Variants in CNTNAP5 observed in about 807,000 individuals in gnomAD.
The protein encoded by CNTNAP5 is contactin associated protein family member 5, also known as contactin-associated protein-like 5.
A neutral mutation model predicts 150.2 loss-of-function variants in CNTNAP5; 72 were observed. The ratio of observed to expected loss-of-function variants is 0.48; its 90% confidence interval spans 0.40 to 0.58. The LOEUF is 0.58. CNTNAP5 is among the 20% of genes least tolerant of loss of function. The probability of loss-of-function intolerance (pLI) is 0.00; values close to 1 mark genes in which losing one functional copy is unlikely to be tolerated. For missense variants in CNTNAP5, 1,636 were observed against 1,626.2 expected (o/e 1.01, Z -0.10); for synonymous variants, 672 against 619.8 (o/e 1.08, Z -1.25).
chr2:124,036,356 G>A (rs1681219202), intron 1 of CNTNAP5, among the ~76,000 whole-genome samples: 1 of 151,834 alleles, frequency 6.6e-6, no homozygotes, highest in Admixed American at 6.5e-5. Flanking sequence ...TGTTCACTAA[G>A]TTTTGGATGA....
chr2:124,873,610 C>T lies in CNTNAP5; in HGVS notation c.3436+3848C>T, dbSNP rs904992006. ...ATTCAGGCTTATTATTTAGAAAGGA[C>T]GCTAATCCTGGGGGACCTTTGGAAC... is the stretch of plus-strand genomic sequence containing the variant. On this transcript the variant is annotated intron_variant, in intron 21 of 23. Transcript: ENST00000682447. Among the ~76,000 whole-genome samples the T allele has an allele frequency of 7.9e-5, 12 of 152,030 alleles. 1 individual carries two copies. Among genetic ancestry groups the T allele is most frequent in the African/African-American group, 1.2e-4 (5 of 41,472 alleles).
At chr2:124,510,906 A>G (rs1047275809) in intron 8 of CNTNAP5, among the ~76,000 whole-genome samples, 2 of 152,192 alleles carry the variant, frequency 1.3e-5, no homozygotes, top group Non-Finnish European at 2.9e-5. Context: ...TGAATGAGCA[A>G]CTACCTTGAT....
intron 1 of CNTNAP5, among the ~76,000 whole-genome samples, chr2:124,035,571 C>A: frequency 6.6e-6 from 1 of 152,122 alleles, no homozygotes; most frequent in South Asian, 2.1e-4. Flanking sequence ...GCACGGGAAC[C>A]CAGGGGATTC....
At chr2:124,225,528 G>A (rs1291847812) in intron 2 of CNTNAP5, among the ~76,000 whole-genome samples, 2 of 152,134 alleles carry the variant, frequency 1.3e-5, no homozygotes, top group African/African-American at 4.8e-5. Context: ...CATTTACAGT[G>A]TATGAAATGA....
chr2:124,672,739 C>T (rs12711689), intron 13 of CNTNAP5, among the ~76,000 whole-genome samples: 38,105 of 152,062 alleles, frequency 0.25, 5,158 homozygotes, highest in African/African-American at 0.36. Flanking sequence ...AAAATCTCTC[C>T]TATAAATATG....
At chr2:124,657,698 C>T (rs968253759) in intron 13 of CNTNAP5, among the ~76,000 whole-genome samples, 8 of 152,332 alleles carry the variant, frequency 5.3e-5, no homozygotes, top group Admixed American at 3.9e-4. Context: ...AGCCACAGGC[C>T]TCTGCCAGCC....
At chr2:124,690,000 C>T (rs1679268473) in intron 13 of CNTNAP5, among the ~76,000 whole-genome samples, 1 of 151,148 alleles carries the variant, frequency 6.6e-6, no homozygotes, top group African/African-American at 2.4e-5. Flanking sequence ...TGTTTTACAA[C>T]TCTTTCATCT....
chr2:124,192,509 G>T (rs1685483804), intron 1 of CNTNAP5, among the ~76,000 whole-genome samples: 2 of 152,106 alleles, frequency 1.3e-5, no homozygotes, highest in East Asian at 1.9e-4. Flanking sequence ...GTCTGATGGT[G>T]CCAGTGGCTT....
At chr2:124,451,083 C>CAT (rs1692968963) in intron 6 of CNTNAP5, among the ~76,000 whole-genome samples, 1 of 107,396 alleles carries the variant, frequency 9.3e-6, no homozygotes, top group African/African-American at 3.6e-5. Flanking sequence ...TATATACACA[C>CAT]ACACACACAC....
chr2:124,358,184 C>T (rs2104710641), intron 3 of CNTNAP5, among the ~76,000 whole-genome samples: 1 of 152,248 alleles, frequency 6.6e-6, no homozygotes, highest in Admixed American at 6.5e-5. Flanking sequence ...AGTTACTTAT[C>T]AGCTTAAGGA....
At chr2:124,565,250 CAAAA>C (rs773913383) in intron 11 of CNTNAP5, among the ~76,000 whole-genome samples, 1 of 151,666 alleles carries the variant, frequency 6.6e-6, no homozygotes, top group African/African-American at 2.4e-5. Flanking sequence ...CCTGCAGAAA[CAAAA>C]AAAATATTGT....
chr2:124,627,497 A>G (rs1412955608), intron 12 of CNTNAP5, among the ~76,000 whole-genome samples: 2 of 148,514 alleles, frequency 1.3e-5, no homozygotes, highest in East Asian at 3.9e-4. Context: ...TTAGAAGAAA[A>G]ACAAACAGAA....
At chr2:124,241,503 C>A (rs1686885991) in intron 2 of CNTNAP5, among the ~76,000 whole-genome samples, 1 of 152,156 alleles carries the variant, frequency 6.6e-6, no homozygotes, top group African/African-American at 2.4e-5. Flanking sequence ...CCTCTCTGAT[C>A]AGCTCCTGAG....
intron 1 of CNTNAP5, among the ~76,000 whole-genome samples, chr2:124,165,832 G>C (rs1684801080): frequency 6.6e-6 from 1 of 152,162 alleles, no homozygotes; most frequent in Admixed American, 6.5e-5. Flanking sequence ...CCAGATTGCT[G>C]ACTTGGCTTT....
chr2:124,653,053 G>A (rs1421391654), intron 13 of CNTNAP5, among the ~76,000 whole-genome samples: 1 of 152,162 alleles, frequency 6.6e-6, no homozygotes, highest in African/African-American at 2.4e-5. Flanking sequence ...ATTGCCGTGA[G>A]GATTGTGTAA....
rs576241335 is a variant in CNTNAP5, at chr2:124,862,375, C to A, written c.3218-2931C>A. ...TTCTTTGCTTTATTAGACTTAGGGA[C>A]AACACCTTCCCTCTGACAATTCACT... On this transcript the variant is annotated intron_variant, in intron 19 of 23. Transcript: ENST00000682447. Among the ~76,000 whole-genome samples, 6 of 152,270 alleles carry A rather than the reference C, an allele frequency of 3.9e-5. 1 individual carries two copies. Among genetic ancestry groups the A allele is most frequent in the South Asian group, 2.1e-4 (1 of 4,824 alleles).
intron 3 of CNTNAP5, among the ~76,000 whole-genome samples, chr2:124,359,504 G>A (rs1690135018): frequency 6.6e-6 from 1 of 151,172 alleles, no homozygotes; most frequent in Admixed American, 6.6e-5. Context: ...GGTATGTTGT[G>A]TCTTTGTTCT....
At chr2:124,321,713 A>T (rs1042558909) in intron 3 of CNTNAP5, among the ~76,000 whole-genome samples, 2 of 152,188 alleles carry the variant, frequency 1.3e-5, no homozygotes, top group African/African-American at 4.8e-5. Flanking sequence ...AATGTCTCCA[A>T]GGTTGTAGTA....
At chr2:124,900,924 C>T (rs1484947576) in intron 21 of CNTNAP5, among the ~76,000 whole-genome samples, 1 of 151,538 alleles carries the variant, frequency 6.6e-6, no homozygotes, top group East Asian at 1.9e-4. Flanking sequence ...GTTCTGGTGC[C>T]ACCAGCAAAA....
Sources: gnomAD v4.1 joint callset for allele counts (sites outside exome capture counted in the v4.1 genomes callset) on GRCh38, gnomAD v4.1.1 for gene constraint, MANE v1.5 for transcripts, NCBI Gene and HGNC (gene_info 2026-07-23, HGNC 2026-07-21) for gene names.